The following NTM variants were observed in gnomAD, a reference collection of about 807,000 sequenced individuals.
The protein encoded by NTM is neurotrimin.
A neutral mutation model predicts 42.1 loss-of-function variants in NTM; 13 were observed. The ratio of observed to expected loss-of-function variants is 0.31; its 90% CI spans 0.20 to 0.49. The LOEUF (loss-of-function observed/expected upper bound fraction) is 0.49. NTM is among the 20% of genes least tolerant of loss of function. The pLI, the probability that NTM is intolerant of heterozygous loss-of-function variation, is 0.99. For missense variants in NTM, 373 were observed against 452.8 expected, an observed-to-expected ratio of 0.82 and a Z score of 1.60; for synonymous variants, 187 against 179.2, an observed-to-expected ratio of 1.04 and a Z score of -0.35.
chr11:131,828,357 C>A (rs1246693316), intron 1 of NTM, among the ~76,000 whole-genome samples: 3 of 152,172 alleles, frequency 2.0e-5, no homozygotes, highest in Admixed American at 1.3e-4. Flanking sequence ...ACAATCATCA[C>A]CATCTTTGCC....
At chr11:131,648,664 A>C (rs1452742198) in intron 1 of NTM, among the ~76,000 whole-genome samples, 1 of 152,218 alleles carries the variant, frequency 6.6e-6, no homozygotes, top group Non-Finnish European at 1.5e-5. Flanking sequence ...GTTTCTTTTG[A>C]TAACATATAT....
intron 1 of NTM, among the ~76,000 whole-genome samples, chr11:131,443,574 C>A (rs1949791051): frequency 6.6e-6 from 1 of 152,054 alleles, no homozygotes; most frequent in Non-Finnish European, 1.5e-5. Flanking sequence ...GGTAGGTCAC[C>A]CCTAAGACAG....
Position 131,401,830 on chromosome 11 carries a change from A to ATATATATATATG in NTM, c.82+30953_82+30954insGTATATATATAT, listed in dbSNP as rs1565465533. Reference sequence around the variant, plus strand: ...TATATATATATATATATATATATATATATATATATATATATATATATATAT... The same window carrying ATATATATATATG: ...TATATATATATATATATATATATATATATATATATATGTATATATATATATATATATATATAT... On this transcript the variant is annotated intron_variant, in intron 1 of 8. Coordinates refer to ENST00000683400, the MANE Select transcript of NTM (RefSeq NM_001352005.2). Among the ~76,000 whole-genome samples, 105 of 65,336 alleles carry ATATATATATATG rather than the reference A, an allele frequency of 1.6e-3. 2 individuals carry two copies. Among genetic ancestry groups the ATATATATATATG allele is most frequent in the African/African-American group, 7.3e-3 (102 of 13,932 alleles). The allele number at this position is 65,336 out of a possible 152,430, so 42.9% of individuals were successfully genotyped here.
intron 1 of NTM, among the ~76,000 whole-genome samples, chr11:131,831,987 G>A (rs558447013): frequency 7.0e-4 from 104 of 147,858 alleles, no homozygotes; most frequent in African/African-American, 2.4e-3. Flanking sequence ...GAAAAGCCTA[G>A]TACATATATA....
At chr11:132,044,602 C>T (rs560740694) in intron 2 of NTM, among the ~76,000 whole-genome samples, 1 of 152,102 alleles carries the variant, frequency 6.6e-6, no homozygotes, top group Non-Finnish European at 1.5e-5. Context: ...CAACAAGCTG[C>T]CCCATTGCTA....
intron 1 of NTM, among the ~76,000 whole-genome samples, chr11:131,545,289 C>A (rs907921258): frequency 4.6e-5 from 7 of 151,864 alleles, no homozygotes; most frequent in African/African-American, 1.5e-4. Context: ...GTTTCTTTGT[C>A]TTTTTCTTTT....
intron 2 of NTM, among the ~76,000 whole-genome samples, chr11:132,066,869 C>T (rs1021877637): frequency 6.6e-6 from 1 of 152,178 alleles, no homozygotes; most frequent in Non-Finnish European, 1.5e-5. Context: ...TAAATTACCC[C>T]CACCCCAACC....
At chr11:132,125,721 G>GCA (rs1566232059) in intron 2 of NTM, among the ~76,000 whole-genome samples, 3 of 151,888 alleles carry the variant, frequency 2.0e-5, no homozygotes, top group Non-Finnish European at 2.9e-5. Context: ...AGTGTGTGGT[G>GCA]TGTGATGTGT....
chr11:132,111,823 A>C (rs529153546), intron 2 of NTM, among the ~76,000 whole-genome samples: 37 of 152,386 alleles, frequency 2.4e-4, no homozygotes, highest in African/African-American at 7.2e-4. Flanking sequence ...TGGAAGCTGG[A>C]TCTGTCTCCA....
At chr11:132,263,900 C>T (rs768718854) in intron 4 of NTM, among the ~76,000 whole-genome samples, 1 of 152,156 alleles carries the variant, frequency 6.6e-6, no homozygotes, top group Non-Finnish European at 1.5e-5. Flanking sequence ...ATATTTCTAC[C>T]AATATTATGT....
At chr11:131,524,207 G>T (rs1340670436) in intron 1 of NTM, among the ~76,000 whole-genome samples, 1 of 152,208 alleles carries the variant, frequency 6.6e-6, no homozygotes, top group Non-Finnish European at 1.5e-5. Context: ...ACGCCTTGCT[G>T]CTGTGGAAGG....
chr11:131,873,786 C>A (rs1289654353), intron 1 of NTM, among the ~76,000 whole-genome samples: 1 of 141,916 alleles, frequency 7.0e-6, no homozygotes, highest in Non-Finnish European at 1.5e-5. Flanking sequence ...AGTCAGGAAA[C>A]AACAGGTGCT....
chr11:132,091,982 C>T (rs1594584883), intron 2 of NTM, among the ~76,000 whole-genome samples: 1 of 152,152 alleles, frequency 6.6e-6, no homozygotes, highest in East Asian at 1.9e-4. Flanking sequence ...AACTTTTTGC[C>T]ACCAAAGCTG....
chr11:131,938,737 G>T lies in NTM; in HGVS notation c.167+27089G>T, dbSNP rs977191995. ...TGGTGGTGGTGTGGAAGGAGGTGTG[G>T]CAGTGAATAAACAGAGATGTAGAAA... is the stretch of plus-strand genomic sequence containing the variant. On this transcript the variant is annotated intron_variant, in intron 2 of 8. Coordinates refer to ENST00000683400, the MANE Select transcript of NTM (RefSeq NM_001352005.2). Among the ~76,000 whole-genome samples the T allele has an allele frequency of 5.3e-5, 8 of 152,190 alleles. 1 individual carries two copies. In the South Asian group the frequency reaches 1.7e-3, roughly 32 times the overall value.
At chr11:131,932,680 T>G (rs563979790) in intron 2 of NTM, among the ~76,000 whole-genome samples, 33 of 152,332 alleles carry the variant, frequency 2.2e-4, no homozygotes, top group African/African-American at 6.0e-4. Flanking sequence ...GGTGATGATT[T>G]ATACCTTAAT....
At chr11:132,249,915 C>A (rs1387318448) in intron 4 of NTM, among the ~76,000 whole-genome samples, 4 of 152,216 alleles carry the variant, frequency 2.6e-5, no homozygotes, top group Non-Finnish European at 2.9e-5. Context: ...AATTAACAAT[C>A]TATTTTAAGA....
At chr11:132,306,170 G>T (rs1053704283) in intron 4 of NTM, 2 of 152,176 alleles carry the variant, frequency 1.3e-5, no homozygotes, top group Non-Finnish European at 2.9e-5. Flanking sequence ...TCTTGTTGTT[G>T]TTGCTGTTGT....
chr11:131,464,142 C>T (rs889931562), intron 1 of NTM, among the ~76,000 whole-genome samples: 3 of 152,044 alleles, frequency 2.0e-5, no homozygotes, highest in African/African-American at 7.2e-5. Flanking sequence ...GCAGGAAGAG[C>T]GGTGGACGTG....
intron 1 of NTM, among the ~76,000 whole-genome samples, chr11:131,478,848 T>G (rs1179387900): frequency 6.6e-6 from 1 of 152,266 alleles, no homozygotes; most frequent in Non-Finnish European, 1.5e-5. Context: ...AGCAAAGTGC[T>G]TCTTCGCATA....
Sources: allele counts gnomAD v4.1 joint callset (sites outside exome capture counted in the v4.1 genomes callset), GRCh38; gene constraint gnomAD v4.1.1; transcripts MANE v1.5; gene names NCBI Gene and HGNC (gene_info 2026-07-23, HGNC 2026-07-21).